CDKAL1: variants seen among roughly 807,000 people sequenced by gnomAD.
CDKAL1 encodes the protein threonylcarbamoyladenosine tRNA methylthiotransferase.
CDKAL1 carries 32 observed loss-of-function variants against 68.2 expected under a neutral mutation model. The observed-to-expected ratio is 0.47, with a 90% confidence interval of 0.35 to 0.63. The LOEUF (loss-of-function observed/expected upper bound fraction) is 0.63. Among genes scored for constraint, CDKAL1 ranks in the 30% least tolerant of loss-of-function variants. The pLI, the probability that CDKAL1 is intolerant of heterozygous loss-of-function variation, is 0.00. For missense variants in CDKAL1, 606 were observed against 696.7 expected (o/e 0.87, Z 1.47); for synonymous variants, 234 against 244.3 (o/e 0.96, Z 0.39).
rs189591917 is a variant in CDKAL1, at chr6:21,163,188, T to G, written c.1300-34833T>G. On this transcript the variant is annotated intron_variant, in intron 13 of 15. Transcript: ENST00000274695. ...CTCCTCCTCACTGCCAGCACAACCT[T>G]GCCTTGTGCAAAAGTCACTTCTCTT... is the stretch of plus-strand genomic sequence containing the variant. 9.2e-5 allele frequency among the ~76,000 whole-genome samples: 14 copies of G among 152,304 alleles called. No individual in the cohort carries two copies. The South Asian group carries it at 1.7e-3, about 18-fold the overall frequency.
chr6:20,748,555 GAAAAAAAAAAAAAAAAAAAAAAAAAA>G (rs760404728), intron 6 of CDKAL1, among the ~76,000 whole-genome samples: 13 of 28,770 alleles, frequency 4.5e-4, no homozygotes, highest in African/African-American at 1.2e-3. Flanking sequence ...TCTGTTTCTG[GAAAAAAAAAAAAAAAAAAAAAAAAAA>G]AAAAAAAAAA....
chr6:21,230,063 G>A (rs1393559075), intron 15 of CDKAL1, among the ~76,000 whole-genome samples: 1 of 152,214 alleles, frequency 6.6e-6, no homozygotes, highest in African/African-American at 2.4e-5. Context: ...GGTTATGTGG[G>A]GTGGGTCACT....
chr6:20,902,438 G>GT (rs1762046682), intron 9 of CDKAL1, among the ~76,000 whole-genome samples: 1 of 151,974 alleles, frequency 6.6e-6, no homozygotes, highest in Non-Finnish European at 1.5e-5. Context: ...TAGTTCCCAG[G>GT]TTTATGGATA....
intron 13 of CDKAL1, among the ~76,000 whole-genome samples, chr6:21,163,468 C>A (rs1475302663): frequency 1.3e-5 from 2 of 152,144 alleles, no homozygotes; most frequent in African/African-American, 4.8e-5. Flanking sequence ...TTCAAGTCAC[C>A]ATCTTTTTCA....
chr6:20,848,927 C>T (rs528990869), intron 9 of CDKAL1, among the ~76,000 whole-genome samples: 2 of 151,700 alleles, frequency 1.3e-5, no homozygotes, highest in Non-Finnish European at 2.9e-5. Flanking sequence ...GCAGTAGTGG[C>T]GACTATAGCC....
At chr6:20,873,794 T>A (rs1392980429) in intron 9 of CDKAL1, among the ~76,000 whole-genome samples, 1 of 152,204 alleles carries the variant, frequency 6.6e-6, no homozygotes, top group Non-Finnish European at 1.5e-5. Flanking sequence ...TTTTTAATAT[T>A]CTTTGAGCCT....
chr6:20,811,801 A>AG (rs1250191187), intron 8 of CDKAL1, among the ~76,000 whole-genome samples: 1 of 151,982 alleles, frequency 6.6e-6, no homozygotes, highest in Non-Finnish European at 1.5e-5. Flanking sequence ...AAAAAAAAAA[A>AG]AAGCCTGGAC....
intron 11 of CDKAL1, among the ~76,000 whole-genome samples, chr6:21,016,669 C>T (rs1002613699): frequency 6.9e-6 from 1 of 145,208 alleles, no homozygotes; most frequent in African/African-American, 2.6e-5. Flanking sequence ...TCCATCCATC[C>T]ATCTTACTTC....
rs1398357393 is a variant in CDKAL1 at position 21,224,722 on chromosome 6, A to C, written c.1549-6126A>C. Among the ~76,000 whole-genome samples the C allele has an allele frequency of 2.0e-5, 3 of 152,316 alleles. No homozygotes were observed. The South Asian group carries it at 6.2e-4, about 32-fold the overall frequency. ...AACTTCTGACCTCCAGAATTGAAAG[A>C]GAATAAATGCATATTGCTTCATGCC... On this transcript the variant is annotated intron_variant, in intron 15 of 15. Transcript: ENST00000274695.
chr6:20,610,221 A>C (rs1252649515), intron 4 of CDKAL1, among the ~76,000 whole-genome samples: 1 of 152,194 alleles, frequency 6.6e-6, no homozygotes, highest in Non-Finnish European at 1.5e-5. Context: ...GCTATTGTGA[A>C]TAGTGCTACA....
intron 5 of CDKAL1, among the ~76,000 whole-genome samples, chr6:20,677,866 G>T (rs1770189879): frequency 6.6e-6 from 1 of 151,976 alleles, no homozygotes; most frequent in South Asian, 2.1e-4. Flanking sequence ...TTCTAATTTA[G>T]GTTTTTATTT....
chr6:20,994,085 G>C (rs1456295649), intron 10 of CDKAL1, among the ~76,000 whole-genome samples: 2 of 152,176 alleles, frequency 1.3e-5, no homozygotes, highest in African/African-American at 4.8e-5. Context: ...AGCTGCTCAT[G>C]ACTGCCCTTC....
At chr6:20,840,890 T>A (rs1010709365) in intron 8 of CDKAL1, among the ~76,000 whole-genome samples, 4 of 152,186 alleles carry the variant, frequency 2.6e-5, no homozygotes, top group Admixed American at 1.3e-4. Context: ...GTTTCTTGGG[T>A]TTTTGTTTTT....
At chr6:20,831,334 G>T (rs1036230290) in intron 8 of CDKAL1, among the ~76,000 whole-genome samples, 1 of 152,114 alleles carries the variant, frequency 6.6e-6, no homozygotes, top group African/African-American at 2.4e-5. Context: ...GCAAGAGGTC[G>T]GGTGAATATG....
chr6:20,934,943 C>A (rs1035299479), intron 9 of CDKAL1, among the ~76,000 whole-genome samples: 1 of 148,720 alleles, frequency 6.7e-6, no homozygotes, highest in Admixed American at 6.8e-5. Flanking sequence ...TCACCCAGGC[C>A]GGAGTTCAAT....
chr6:20,562,666 T>C lies in CDKAL1; in HGVS notation c.286+13961T>C, dbSNP rs370431245. 1.1e-4 allele frequency among the ~76,000 whole-genome samples: 17 copies of C among 151,556 alleles called. No individual in the cohort carries two copies. The East Asian group carries it at 2.5e-3, about 23-fold the overall frequency. On this transcript the variant is annotated intron_variant, in intron 4 of 15. Transcript: ENST00000274695. ...CTGAGGCAGAAGAATTGCTTTGACC[T>C]GGAAGGTGGAGGCTGCAGTGAGCCA...
Position 21,000,343 on chromosome 6 carries a change from CAA to C in CDKAL1, c.1029_1030del (p.Arg344SerfsTer38). The C allele has an allele frequency of 6.2e-7, 1 of 1,613,562 alleles. No individual in the cohort carries two copies. The highest frequency in any genetic ancestry group is 8.5e-7 in the Non-Finnish European group (1 of 1,179,636). ...MKREYCVADF[K>X]RVVDFLKEKV... ...AAAGAGAATACTGTGTGGCTGACTTCAAAAGAGTAGTGGATTTTCTGAAAGAG... is the reference window on the plus strand; with the variant it reads ...AAAGAGAATACTGTGTGGCTGACTTCAAGAGTAGTGGATTTTCTGAAAGAG... On this transcript the variant is annotated frameshift_variant, in exon 11 of 16. Coordinates refer to ENST00000274695, the MANE Select transcript of CDKAL1 (RefSeq NM_017774.3). LOFTEE classifies it high-confidence loss of function.
intron 8 of CDKAL1, among the ~76,000 whole-genome samples, chr6:20,805,750 A>T (rs536083790): frequency 6.6e-6 from 1 of 152,332 alleles, no homozygotes; most frequent in South Asian, 2.1e-4. Flanking sequence ...ATGAGACTAT[A>T]ACCACTGTAA....
intron 8 of CDKAL1, among the ~76,000 whole-genome samples, chr6:20,803,432 A>G (rs1161437823): frequency 2.0e-5 from 3 of 152,180 alleles, no homozygotes; most frequent in Non-Finnish European, 2.9e-5. Context: ...TTCCATGTCA[A>G]GTGTCACCAT....
Sources: gnomAD v4.1 joint callset for allele counts (sites outside exome capture counted in the v4.1 genomes callset) on GRCh38, gnomAD v4.1.1 for gene constraint, MANE v1.5 for transcripts, NCBI Gene and HGNC (gene_info 2026-07-23, HGNC 2026-07-21) for gene names.